PHF21A: variants seen among roughly 807,000 people sequenced by gnomAD.
PHF21A encodes PHD finger protein 21A.
In PHF21A, 11 loss-of-function variants were observed where a neutral mutation model predicts 82.5. The ratio of observed to expected loss-of-function variants is 0.13; its 90% confidence interval spans 0.08 to 0.22. The LOEUF (loss-of-function observed/expected upper bound fraction) is 0.22, where lower values mean the gene tolerates loss of function less well. PHF21A is among the 10% of genes least tolerant of loss of function. The probability of loss-of-function intolerance (pLI) is 1.00; values close to 1 mark genes in which losing one functional copy is unlikely to be tolerated. For missense variants in PHF21A, 579 were observed against 837.8 expected (o/e 0.69, Z 3.81); for synonymous variants, 297 against 302.8 (o/e 0.98, Z 0.20).
chr11:45,983,490 C>T (rs2094382393), intron 6 of PHF21A, among the ~76,000 whole-genome samples: 1 of 151,552 alleles, frequency 6.6e-6, no homozygotes, highest in South Asian at 2.1e-4. Flanking sequence ...CTGTTGCTAT[C>T]TGTGAAAAAA....
rs1005645968 is a variant in PHF21A, at chr11:45,935,518, C to T, written c.1788+118G>A. On this transcript the variant is annotated intron_variant, in intron 18 of 18. Transcript: ENST00000676320. ...AAACTGCATTTGCCCAAGTTAATCACGTTAATAAACAGAAGGACCCGAAAC... is the reference window on the plus strand; with the variant it reads ...AAACTGCATTTGCCCAAGTTAATCATGTTAATAAACAGAAGGACCCGAAAC... 9.7e-6 allele frequency: 7 copies of T among 718,396 alleles called. No individual in the cohort carries two copies. The Admixed American group carries it at 9.8e-5, about 10-fold the overall frequency. 44.5% of individuals were successfully genotyped at this position (718,396 alleles called of 1,614,324 possible).
intron 6 of PHF21A, among the ~76,000 whole-genome samples, chr11:45,995,735 G>A (rs1370874210): frequency 6.6e-6 from 1 of 152,102 alleles, no homozygotes; most frequent in Non-Finnish European, 1.5e-5. Context: ...GAAGCTGAAC[G>A]CAGCTCTGTT....
At chr11:46,120,301 G>C (rs999961111) in intron 1 of PHF21A, 1 of 139,900 alleles carries the variant, frequency 7.1e-6, no homozygotes, top group Non-Finnish European at 1.5e-5. Flanking sequence ...ACAGCATCCC[G>C]GGGTGGGGTG....
At chr11:45,934,902 A>G (rs569698305) in intron 18 of PHF21A, 29 of 370,888 alleles carry the variant, frequency 7.8e-5, no homozygotes, top group South Asian at 5.8e-4. Context: ...ATGGGTAGGT[A>G]TGGTGAGGAG....
chr11:46,026,539 C>T (rs772704707), intron 6 of PHF21A, among the ~76,000 whole-genome samples: 8 of 152,118 alleles, frequency 5.3e-5, no homozygotes, highest in Non-Finnish European at 1.2e-4. Context: ...TTAGCTACCT[C>T]TTCTCTACCC....
intron 6 of PHF21A, among the ~76,000 whole-genome samples, chr11:46,046,288 C>T (rs567175404): frequency 3.7e-4 from 56 of 152,274 alleles, no homozygotes; most frequent in Non-Finnish European, 6.5e-4. Flanking sequence ...CTGGGGCCAT[C>T]CTCCTATGGG....
chr11:46,078,424 C>A (rs1479190807), intron 5 of PHF21A, among the ~76,000 whole-genome samples: 1 of 152,028 alleles, frequency 6.6e-6, no homozygotes, highest in Non-Finnish European at 1.5e-5. Context: ...ATACTTATGA[C>A]CTAGTATCTA....
At chr11:46,036,742 C>T (rs980104508) in intron 6 of PHF21A, among the ~76,000 whole-genome samples, 5 of 152,074 alleles carry the variant, frequency 3.3e-5, no homozygotes, top group Admixed American at 3.3e-4. Flanking sequence ...TTGATTTTAC[C>T]TTGTATATGG....
At chr11:46,119,867 C>T (rs1437363417) in intron 1 of PHF21A, 1 of 148,814 alleles carries the variant, frequency 6.7e-6, no homozygotes, top group Non-Finnish European at 1.5e-5. Flanking sequence ...AAGAGTCCCA[C>T]TCCGCGCGCC....
intron 6 of PHF21A, among the ~76,000 whole-genome samples, chr11:46,040,022 G>A (rs1243806312): frequency 6.6e-6 from 1 of 152,168 alleles, no homozygotes; most frequent in African/African-American, 2.4e-5. Context: ...TAAGCCTAAA[G>A]CACATGTAAC....
At chr11:45,958,447 T>TACACACACACACAC (rs1201890167) in intron 10 of PHF21A, among the ~76,000 whole-genome samples, 4 of 21,488 alleles carry the variant, frequency 1.9e-4, no homozygotes, top group African/African-American at 5.0e-4. Context: ...TATATATATA[T>TACACACACACACAC]ATACACACAC....
chr11:46,002,425 C>A (rs2095161875), intron 6 of PHF21A, among the ~76,000 whole-genome samples: 1 of 152,030 alleles, frequency 6.6e-6, no homozygotes, highest in Non-Finnish European at 1.5e-5. Flanking sequence ...ATTAACTTTC[C>A]AATAATAACC....
At chr11:46,036,895 A>AGAT (rs2096015880) in intron 6 of PHF21A, among the ~76,000 whole-genome samples, 2 of 152,120 alleles carry the variant, frequency 1.3e-5, no homozygotes, top group Non-Finnish European at 2.9e-5. Context: ...TTTTTTGTAG[A>AGAT]GATGAGGGTC....
intron 6 of PHF21A, among the ~76,000 whole-genome samples, chr11:46,048,361 T>C (rs1168134946): frequency 1.3e-5 from 2 of 152,240 alleles, no homozygotes; most frequent in Non-Finnish European, 2.9e-5. Context: ...CTTTTTATTG[T>C]CAAATAATAT....
At chr11:46,093,956 CAAAATT>C (rs2096959122) in intron 1 of PHF21A, among the ~76,000 whole-genome samples, 1 of 151,938 alleles carries the variant, frequency 6.6e-6, no homozygotes, top group Non-Finnish European at 1.5e-5. Context: ...ATAAATTGGA[CAAAATT>C]AAAATTAAGA....
At chr11:46,065,679 C>G (rs755384870) in intron 6 of PHF21A, among the ~76,000 whole-genome samples, 69 of 152,186 alleles carry the variant, frequency 4.5e-4, no homozygotes, top group Non-Finnish European at 5.1e-4. Flanking sequence ...TCAATGGACA[C>G]AAAGCCTGTC....
intron 14 of PHF21A, among the ~76,000 whole-genome samples, chr11:45,946,337 C>G (rs771717351): frequency 1.3e-5 from 2 of 152,124 alleles, no homozygotes; most frequent in African/African-American, 4.8e-5. Flanking sequence ...AGTGCAAGAA[C>G]CAAGATGTCA....
intron 6 of PHF21A, among the ~76,000 whole-genome samples, chr11:46,038,303 T>C (rs2096058943): frequency 1.3e-5 from 2 of 152,146 alleles, no homozygotes; most frequent in South Asian, 4.1e-4. Flanking sequence ...AATTTTTGTA[T>C]TTTTAGTAGA....
At chr11:45,948,654 C>T (rs1335911655) in intron 14 of PHF21A, among the ~76,000 whole-genome samples, 1 of 152,224 alleles carries the variant, frequency 6.6e-6, no homozygotes, top group East Asian at 1.9e-4. Flanking sequence ...TAAGCCATTC[C>T]CCTGAGTCAG....
Sources: allele counts gnomAD v4.1 joint callset (sites outside exome capture counted in the v4.1 genomes callset), GRCh38; gene constraint gnomAD v4.1.1; transcripts MANE v1.5; gene names NCBI Gene and HGNC (gene_info 2026-07-23, HGNC 2026-07-21).